The following PAK2 variants were observed in gnomAD, a reference collection of about 807,000 sequenced individuals.
The protein encoded by PAK2 is p21 (RAC1) activated kinase 2, also known as serine/threonine-protein kinase PAK 2.
A neutral mutation model predicts 65.9 loss-of-function variants in PAK2; 21 were observed. The observed-to-expected ratio is 0.32, with a 90% CI of 0.23 to 0.46. The LOEUF is 0.46. Ranked by LOEUF, PAK2 falls within the 20% of genes least tolerant of loss-of-function variation. The pLI is 1.00. For missense variants in PAK2, 324 were observed against 642.6 expected, an observed-to-expected ratio of 0.50 and a Z score of 5.36; for synonymous variants, 204 against 219.7, an observed-to-expected ratio of 0.93 and a Z score of 0.63.
At position 196,808,120 on chromosome 3, in the gene PAK2, C is replaced by A. The variant is rs538502732; in HGVS notation, c.709+206C>A. ...CCAGCACTAGGTCAGGAGATCAAGACCAGCCTGGCCAACATGGTGAAACCC... is the reference window on the plus strand; with the variant it reads ...CCAGCACTAGGTCAGGAGATCAAGAACAGCCTGGCCAACATGGTGAAACCC... On this transcript the variant is annotated intron_variant, in intron 7 of 14. Transcript: ENST00000327134. The A allele has an allele frequency of 5.4e-4, 225 of 418,404 alleles. 6 individuals are homozygous for A. In the South Asian group the frequency reaches 6.4e-3, roughly 12 times the overall value. 25.9% of individuals were successfully genotyped at this position (418,404 alleles called of 1,614,324 possible).
rs1449984753 is a variant in PAK2 at position 196,827,207 on chromosome 3, A to G, written c.1362A>G (p.Leu454=). ...TCTTCTATTTTTAGGCCTTGTACCT[A>G]ATAGCAACTAATGGAACCCCAGAAC... The part of the protein sequence containing the change: ...LNENPLRALY[L]IATNGTPELQ... Residue 454 remains leucine (L), a synonymous_variant, in exon 14 of 15, where the codon CTA becomes CTG. Transcript: ENST00000327134. The G allele has an allele frequency of 6.2e-7, 1 of 1,604,570 alleles. No homozygotes were observed. The highest frequency in any genetic ancestry group is 8.5e-7 in the Non-Finnish European group (1 of 1,173,134).
intron 1 of PAK2, among the ~76,000 whole-genome samples, chr3:196,749,294 CTG>C (rs1713491539): frequency 6.6e-6 from 1 of 151,978 alleles, no homozygotes; most frequent in Non-Finnish European, 1.5e-5. Context: ...TATGATAATT[CTG>C]TGTTTCATTT....
chr3:196,754,903 G>C, intron 1 of PAK2, among the ~76,000 whole-genome samples: 1 of 152,200 alleles, frequency 6.6e-6, no homozygotes, highest in East Asian at 1.9e-4. Flanking sequence ...ATTCTGCTTT[G>C]ATTCTTCAAA....
At chr3:196,826,956 C>T (rs556342579) in intron 13 of PAK2, among the ~76,000 whole-genome samples, 1 of 152,128 alleles carries the variant, frequency 6.6e-6, no homozygotes, top group Non-Finnish European at 1.5e-5. Context: ...ATATGTATTG[C>T]ATTTATAACC....
chr3:196,748,621 G>A (rs1713470057), intron 1 of PAK2, among the ~76,000 whole-genome samples: 1 of 152,136 alleles, frequency 6.6e-6, no homozygotes, highest in East Asian at 1.9e-4. Context: ...TTAGCAGTAT[G>A]CATCTGAGGT....
At chr3:196,817,654 C>T (rs1711519742) in intron 11 of PAK2, among the ~76,000 whole-genome samples, 2 of 151,560 alleles carry the variant, frequency 1.3e-5, no homozygotes, top group South Asian at 2.1e-4. Context: ...TGCCTGGCCT[C>T]CCCTGGCTAA....
At chr3:196,756,297 C>T (rs1240812968) in intron 1 of PAK2, among the ~76,000 whole-genome samples, 1 of 152,116 alleles carries the variant, frequency 6.6e-6, no homozygotes, top group Non-Finnish European at 1.5e-5. Flanking sequence ...ATATAGATAC[C>T]TTCCTCTCTT....
intron 2 of PAK2, among the ~76,000 whole-genome samples, chr3:196,795,847 T>G (rs988268551): frequency 6.6e-6 from 1 of 152,208 alleles, no homozygotes; most frequent in Non-Finnish European, 1.5e-5. Context: ...TGAAAAGCAC[T>G]GGATGTGGCA....
intron 2 of PAK2, among the ~76,000 whole-genome samples, chr3:196,799,039 A>C (rs977091136): frequency 6.6e-6 from 1 of 152,202 alleles, no homozygotes; most frequent in African/African-American, 2.4e-5. Context: ...GGTCTAGCTA[A>C]TGTAGTAAGG....
intron 1 of PAK2, among the ~76,000 whole-genome samples, chr3:196,756,379 C>A (rs1713769677): frequency 1.3e-5 from 2 of 152,148 alleles, no homozygotes; most frequent in African/African-American, 2.4e-5. Flanking sequence ...TTACTCTCAT[C>A]TAAACAGGAG....
intron 11 of PAK2, among the ~76,000 whole-genome samples, chr3:196,817,156 A>ATTTTTT (rs11314877): frequency 7.1e-5 from 6 of 84,766 alleles, no homozygotes; most frequent in Non-Finnish European, 1.1e-4. Flanking sequence ...GAAAGAGGCA[A>ATTTTTT]TTTTTTTTTT....
chr3:196,759,835 GTTTT>G, intron 1 of PAK2, among the ~76,000 whole-genome samples: 1 of 152,040 alleles, frequency 6.6e-6, no homozygotes, highest in South Asian at 2.1e-4. Context: ...AGTTAAGTGG[GTTTT>G]TTAAGTGTGC....
At chr3:196,753,001 G>C (rs1315915598) in intron 1 of PAK2, among the ~76,000 whole-genome samples, 7 of 149,908 alleles carry the variant, frequency 4.7e-5, no homozygotes, top group Admixed American at 4.7e-4. Flanking sequence ...TTTTTTTTGA[G>C]ACGGAGTCTC....
chr3:196,824,334 T>C (rs1711758266), intron 13 of PAK2, among the ~76,000 whole-genome samples: 1 of 152,070 alleles, frequency 6.6e-6, no homozygotes, highest in Admixed American at 6.5e-5. Context: ...GACCCAGCAA[T>C]CACCCAGACA....
chr3:196,799,657 G>T (rs1249280990), intron 2 of PAK2, among the ~76,000 whole-genome samples: 1 of 152,144 alleles, frequency 6.6e-6, no homozygotes. Flanking sequence ...TGAGCCAAAT[G>T]AACTTTTATT....
Position 196,802,494 on chromosome 3 carries a change from C to T in PAK2, c.288+467C>T, listed in dbSNP as rs959380377. The stretch of plus-strand genomic sequence containing the variant: ...TAAAAGTGTTAGTGGTTGGATATAT[C>T]GTTTTCCTAGAGAGCAGAGCCTATT... On this transcript the variant is annotated intron_variant, in intron 3 of 14. Transcript: ENST00000327134. Among the ~76,000 whole-genome samples the T allele has an allele frequency of 3.3e-5, 5 of 152,058 alleles. No homozygotes were observed. In the South Asian group the frequency reaches 6.2e-4, roughly 19 times the overall value.
intron 13 of PAK2, among the ~76,000 whole-genome samples, chr3:196,825,461 G>A (rs531243327): frequency 6.6e-5 from 10 of 151,428 alleles, no homozygotes; most frequent in Admixed American, 3.3e-4. Context: ...GGCCAACACA[G>A]TGAAACCCCG....
intron 8 of PAK2, among the ~76,000 whole-genome samples, chr3:196,811,213 T>C (rs1445960358): frequency 9.2e-5 from 3 of 32,530 alleles, no homozygotes; most frequent in Non-Finnish European, 1.5e-4. Context: ...CTTCCTTCCC[T>C]TCCCTCCCTC....
chr3:196,742,099 C>CTTTTTT (rs60738699), intron 1 of PAK2, among the ~76,000 whole-genome samples: 2 of 129,026 alleles, frequency 1.6e-5, no homozygotes, highest in African/African-American at 2.9e-5. Flanking sequence ...ATTAATATTT[C>CTTTTTT]TTTTTTTTTT....
Sources: allele counts gnomAD v4.1 joint callset (sites outside exome capture counted in the v4.1 genomes callset), GRCh38; gene constraint gnomAD v4.1.1; transcripts MANE v1.5; gene names NCBI Gene and HGNC (gene_info 2026-07-23, HGNC 2026-07-21).